Variants in IL1RAPL1 observed in about 807,000 individuals in gnomAD.
The protein encoded by IL1RAPL1 is interleukin 1 receptor accessory protein like 1.
A neutral mutation model predicts 48.4 loss-of-function variants in IL1RAPL1; 3 were observed. The observed-to-expected ratio is 0.06, with a 90% CI of 0.03 to 0.16. The LOEUF is 0.16. Among genes scored for constraint, IL1RAPL1 ranks in the 10% least tolerant of loss-of-function variants. The pLI is 1.00. For synonymous variants in IL1RAPL1, 185 were observed against 187.7 expected, an observed-to-expected ratio of 0.99 and a Z score of 0.12; for missense variants, 349 against 530.6, an observed-to-expected ratio of 0.66 and a Z score of 3.36.
chrX:29,565,977 C>G (rs1273853568), intron 5 of IL1RAPL1, among the ~76,000 whole-genome samples: 1 of 108,215 alleles, frequency 9.2e-6, no homozygotes, highest in Non-Finnish European at 1.9e-5. Flanking sequence ...GAGACGGAGT[C>G]TCGCTCTGTC....
chrX:29,885,768 A>G (rs1216153318), intron 6 of IL1RAPL1, among the ~76,000 whole-genome samples: 1 of 111,843 alleles, frequency 8.9e-6, no homozygotes, highest in Non-Finnish European at 1.9e-5. Flanking sequence ...GCAGGGAACT[A>G]TGAGTTCACC....
intron 2 of IL1RAPL1, among the ~76,000 whole-genome samples, chrX:29,233,655 T>C (rs963905885): frequency 6.3e-5 from 7 of 111,122 alleles, no homozygotes; most frequent in Non-Finnish European, 1.1e-4. Flanking sequence ...CCCTTGAGTG[T>C]GTATGAGACT....
chrX:29,870,173 G>A (rs1931772066), intron 6 of IL1RAPL1, among the ~76,000 whole-genome samples: 1 of 112,466 alleles, frequency 8.9e-6, no homozygotes, highest in African/African-American at 3.2e-5. Flanking sequence ...TCTGGCTATT[G>A]CCAAAGACAG....
intron 3 of IL1RAPL1, among the ~76,000 whole-genome samples, chrX:29,319,018 T>C (rs186991757): frequency 2.1e-3 from 233 of 111,485 alleles, no homozygotes; most frequent in Non-Finnish European, 3.8e-3. Context: ...CAATAAGTAT[T>C]TGATATTTTA....
intron 6 of IL1RAPL1, among the ~76,000 whole-genome samples, chrX:29,799,027 G>A (rs758312058): frequency 7.1e-4 from 79 of 111,980 alleles, no homozygotes; most frequent in African/African-American, 2.5e-3. Flanking sequence ...TTAGACGTAA[G>A]ATAAATTTGA....
intron 6 of IL1RAPL1, among the ~76,000 whole-genome samples, chrX:29,824,856 G>C (rs1446617702): frequency 9.2e-6 from 1 of 108,436 alleles, no homozygotes; most frequent in African/African-American, 3.4e-5. Context: ...GGGGGCTGGA[G>C]GGAGAAAAAG....
chrX:29,220,631 A>C (rs920007873), intron 2 of IL1RAPL1, among the ~76,000 whole-genome samples: 50 of 112,263 alleles, frequency 4.5e-4, no homozygotes, highest in African/African-American at 1.6e-3. Flanking sequence ...GATGATTCTG[A>C]GTATTAAACA....
chrX:28,778,418 G>C (rs769908565), intron 1 of IL1RAPL1, among the ~76,000 whole-genome samples: 1 of 111,578 alleles, frequency 9.0e-6, no homozygotes, highest in East Asian at 2.8e-4. Context: ...CTGCAAGAGC[G>C]ATGATGGAAT....
chrX:29,380,041 A>C (rs1933675270), intron 3 of IL1RAPL1, among the ~76,000 whole-genome samples: 1 of 108,959 alleles, frequency 9.2e-6, no homozygotes, highest in Non-Finnish European at 1.9e-5. Context: ...TACCTGACCT[A>C]TTTCACTTAA....
In IL1RAPL1 at chrX:28,997,278, T is replaced by C. The variant is rs767172089; in HGVS notation, c.82+207853T>C. Among the ~76,000 whole-genome samples the C allele has an allele frequency of 9.0e-4, 101 of 111,620 alleles. 1 individual carries two copies. The highest frequency in any genetic ancestry group is 1.6e-3 in the Non-Finnish European group (86 of 53,057). On this transcript the variant is annotated intron_variant, in intron 2 of 10. Transcript: ENST00000378993. ...CTTGTTTTGTTGTAAACTACCAGAG[T>C]GCTTTGAAGAGGAATTTTATTAAAT...
Position 29,396,407 on chromosome X carries a change from T to C in IL1RAPL1, c.512T>C (p.Leu171Pro). 8.3e-7 allele frequency: 1 copy of C among 1,211,900 alleles called. No individual in the cohort carries two copies. The highest frequency in any genetic ancestry group is 1.1e-6 in the Non-Finnish European group (1 of 895,293). ...EISCRDIEDFLLPTREPEILW... is the reference protein window; with the variant it reads ...EISCRDIEDFPLPTREPEILW... The stretch of plus-strand genomic sequence containing the variant: ...TCATGCCGTGACATAGAGGATTTTC[T>C]ACTGCCAACCAGAGAACCTGAAATC... Residue 171 changes from leucine (L) to proline (P), a missense_variant, in exon 4 of 11, where the codon CTA becomes CCA. Leu to Pro is a moderately conservative substitution (Grantham distance 98, BLOSUM62 -3). This residue lies in a region of IL1RAPL1 where 238 missense variants were observed against 337.8 expected (regional missense o/e 0.70). Transcript: ENST00000378993.
chrX:29,474,881 G>A (rs1000673950), intron 5 of IL1RAPL1, among the ~76,000 whole-genome samples: 3 of 111,398 alleles, frequency 2.7e-5, no homozygotes, highest in African/African-American at 9.8e-5. Flanking sequence ...TAAGCACCAG[G>A]TGAGTGTTAT....
At chrX:29,033,297 G>A (rs1284226957) in intron 2 of IL1RAPL1, among the ~76,000 whole-genome samples, 2 of 111,283 alleles carry the variant, frequency 1.8e-5, no homozygotes, top group East Asian at 5.6e-4. Flanking sequence ...TGGAATAATA[G>A]AACAAATGCT....
intron 1 of IL1RAPL1, among the ~76,000 whole-genome samples, chrX:28,726,458 C>A (rs1422930282): frequency 2.7e-5 from 3 of 112,177 alleles, no homozygotes; most frequent in Non-Finnish European, 5.6e-5. Flanking sequence ...TTGGTGATGG[C>A]CTTCATTCAT....
chrX:28,976,214 G>T (rs1027460388), intron 2 of IL1RAPL1, among the ~76,000 whole-genome samples: 2 of 111,738 alleles, frequency 1.8e-5, no homozygotes, highest in Admixed American at 9.5e-5. Flanking sequence ...ATGAAAGAGG[G>T]TTGGCACAGA....
chrX:29,705,385 T>C (rs1569150267), intron 6 of IL1RAPL1, among the ~76,000 whole-genome samples: 1 of 111,276 alleles, frequency 9.0e-6, no homozygotes, highest in Non-Finnish European at 1.9e-5. Context: ...CAACTAATTT[T>C]TGTATTTTTA....
intron 6 of IL1RAPL1, among the ~76,000 whole-genome samples, chrX:29,914,881 CTAAAA>C: frequency 8.9e-6 from 1 of 112,459 alleles, no homozygotes; most frequent in Non-Finnish European, 1.9e-5. Flanking sequence ...GAATTTTATA[CTAAAA>C]TATTTCTGTA....
intron 1 of IL1RAPL1, among the ~76,000 whole-genome samples, chrX:28,770,104 G>T (rs1018011220): frequency 8.9e-6 from 1 of 111,871 alleles, no homozygotes; most frequent in African/African-American, 3.2e-5. Context: ...TTCACCAAAC[G>T]GTGAATAAAA....
In IL1RAPL1 at chrX:29,667,872, T is replaced by C. The variant is rs1926042412; in HGVS notation, c.704-558T>C. 2.7e-5 allele frequency among the ~76,000 whole-genome samples: 3 copies of C among 111,866 alleles called. No homozygotes were observed. The South Asian group carries it at 1.1e-3, about 41-fold the overall frequency. On this transcript the variant is annotated intron_variant, in intron 5 of 10. Coordinates refer to ENST00000378993, the MANE Select transcript of IL1RAPL1 (RefSeq NM_014271.4). ...ATTTAAAATATTCCCTTGGTGTGGG[T>C]GTGCATGCTTGTACTAATTTAATGC...
Sources: allele counts gnomAD v4.1 joint callset (sites outside exome capture counted in the v4.1 genomes callset), GRCh38; gene constraint gnomAD v4.1.1; regional missense constraint gnomAD v4.1.1; transcripts MANE v1.5; gene names NCBI Gene and HGNC (gene_info 2026-07-23, HGNC 2026-07-21).